Variants in LPAR3 observed in about 807,000 individuals in gnomAD.
The protein encoded by LPAR3 is LPA receptor 3.
Under a neutral mutation model 17.8 loss-of-function variants are expected in LPAR3, and 7 were observed. That is an observed-to-expected ratio of 0.39 (90% CI 0.22 to 0.74). LPAR3 has a LOEUF of 0.74. LPAR3 is among the 30% of genes least tolerant of loss of function. The pLI is 0.40. For synonymous variants in LPAR3, 179 were observed against 179.9 expected (o/e 0.99, Z 0.04); for missense variants, 391 against 453.4 (o/e 0.86, Z 1.25).
intron 2 of LPAR3, among the ~76,000 whole-genome samples, chr1:84,853,260 C>T (rs1243010624): frequency 6.6e-6 from 1 of 152,076 alleles, no homozygotes; most frequent in Non-Finnish European, 1.5e-5. Context: ...GCTCGTGGAT[C>T]CCCCAGCTCC....
At chr1:84,850,109 G>A (rs1039441716) in intron 2 of LPAR3, among the ~76,000 whole-genome samples, 11 of 152,154 alleles carry the variant, frequency 7.2e-5, no homozygotes, top group Admixed American at 3.9e-4. Context: ...GGAGACAGGC[G>A]GAAGAAGGGA....
chr1:84,884,045 C>T (rs113613262), intron 1 of LPAR3, among the ~76,000 whole-genome samples: 4,673 of 152,304 alleles, frequency 0.031, 105 homozygotes, highest in Non-Finnish European at 0.048. Context: ...AGGCATGTTC[C>T]AGCTCACAGC....
At chr1:84,855,741 G>C (rs184245334) in intron 2 of LPAR3, among the ~76,000 whole-genome samples, 6 of 152,290 alleles carry the variant, frequency 3.9e-5, no homozygotes, top group Admixed American at 3.3e-4. Context: ...CAAGAACACT[G>C]ATTTGGGAAA....
chr1:84,818,526 CA>C (rs527614540), intron 2 of LPAR3, among the ~76,000 whole-genome samples: 114 of 152,034 alleles, frequency 7.5e-4, no homozygotes, highest in Middle Eastern at 6.8e-3. Context: ...GCACGCATGC[CA>C]GGGGGGTGTA....
chr1:84,879,316 C>CTT (rs1187756554), intron 1 of LPAR3, among the ~76,000 whole-genome samples: 4 of 120,620 alleles, frequency 3.3e-5, no homozygotes, highest in African/African-American at 1.0e-4. Context: ...TTTCTTTTTT[C>CTT]TTTTTTTTTT....
At chr1:84,887,484 C>G (rs941491513) in intron 1 of LPAR3, among the ~76,000 whole-genome samples, 6 of 151,956 alleles carry the variant, frequency 3.9e-5, no homozygotes, top group Admixed American at 3.3e-4. Flanking sequence ...TAATGAGGAA[C>G]AGGCTATTTG....
chr1:84,865,269 G>A (rs1249892683), intron 2 of LPAR3, 116 bp downstream of exon 2: 9 of 1,177,316 alleles, frequency 7.6e-6, no homozygotes, highest in East Asian at 5.2e-5. Context: ...ATTTATGTCC[G>A]TTCTTGTTCA....
chr1:84,889,367 G>T (rs1557612137), intron 1 of LPAR3, among the ~76,000 whole-genome samples: 1 of 152,144 alleles, frequency 6.6e-6, no homozygotes. Flanking sequence ...AAGGCACAGG[G>T]GAGTGAGGAT....
At chr1:84,829,152 ATTTTTTTTTTTTT>A (rs56095946) in intron 2 of LPAR3, among the ~76,000 whole-genome samples, 3 of 55,526 alleles carry the variant, frequency 5.4e-5, no homozygotes, top group African/African-American at 9.8e-5. Flanking sequence ...CCTCTCTGCA[ATTTTTTTTTTTTT>A]TTTTTTTTTT....
At chr1:84,855,479 CCTT>C in intron 2 of LPAR3, among the ~76,000 whole-genome samples, 1 of 152,276 alleles carries the variant, frequency 6.6e-6, no homozygotes, top group South Asian at 2.1e-4. Flanking sequence ...TCTCCCTATA[CCTT>C]CTTTTCAAAG....
chr1:84,816,035 G>A (rs763045199), intron 2 of LPAR3, among the ~76,000 whole-genome samples: 89 of 152,072 alleles, frequency 5.9e-4, no homozygotes, highest in Admixed American at 1.6e-3. Context: ...CATTGCGCTG[G>A]GCTCAGCTTC....
chr1:84,856,543 G>A (rs1309580306), intron 2 of LPAR3, among the ~76,000 whole-genome samples: 3 of 151,576 alleles, frequency 2.0e-5, no homozygotes, highest in Non-Finnish European at 4.4e-5. Context: ...TTAGGCACAT[G>A]TACTTTTTTT....
intron 2 of LPAR3, among the ~76,000 whole-genome samples, chr1:84,840,689 T>C (rs1659489517): frequency 6.6e-6 from 1 of 152,228 alleles, no homozygotes; most frequent in Admixed American, 6.5e-5. Context: ...AATTTAGTCA[T>C]TGACATTGAA....
At chr1:84,865,329 C>A (rs1296442963) in intron 2 of LPAR3, 56 bp downstream of exon 2, 1 of 1,527,474 alleles carries the variant, frequency 6.5e-7, no homozygotes, top group East Asian at 2.3e-5. Flanking sequence ...ACAGATGCTC[C>A]GTAAAGATTT....
chr1:84,829,806 A>T (rs1402513071), intron 2 of LPAR3, among the ~76,000 whole-genome samples: 3 of 152,194 alleles, frequency 2.0e-5, no homozygotes, highest in Non-Finnish European at 2.9e-5. Flanking sequence ...GAGTAGAGTA[A>T]GGAGGAAAGC....
At chr1:84,859,336 T>C (rs1266429886) in intron 2 of LPAR3, among the ~76,000 whole-genome samples, 1 of 152,158 alleles carries the variant, frequency 6.6e-6, no homozygotes, top group Admixed American at 6.5e-5. Context: ...AGAGGATGAT[T>C]TAGCATCAAT....
rs370845486 is a variant in LPAR3, at chr1:84,841,585, A to AAAAT, written c.736+23796_736+23799dup. ...TATTCAATGTTATACCAGAAAAACT[A>AAAAT]AAATAAATAAATAAACAAAATAGAC... On this transcript the variant is annotated intron_variant, in intron 2 of 2. Coordinates refer to ENST00000370611, the MANE Select transcript of LPAR3 (RefSeq NM_012152.3). Among the ~76,000 whole-genome samples the AAAAT allele has an allele frequency of 2.7e-3, 414 of 152,344 alleles. 3 individuals are homozygous for AAAAT. The highest frequency in any genetic ancestry group is 0.01 in the Middle Eastern group (3 of 294).
intron 2 of LPAR3, among the ~76,000 whole-genome samples, chr1:84,855,649 C>A (rs1270964023): frequency 2.0e-5 from 3 of 152,140 alleles, no homozygotes; most frequent in Non-Finnish European, 4.4e-5. Flanking sequence ...AAGCTGAGTG[C>A]ATTTGGTGTA....
chr1:84,879,052 A>G (rs1319805260), intron 1 of LPAR3, among the ~76,000 whole-genome samples: 1 of 152,084 alleles, frequency 6.6e-6, no homozygotes, highest in African/African-American at 2.4e-5. Context: ...GCCTCTTCTC[A>G]CTTGAACTTT....
Sources: gnomAD v4.1 joint callset for allele counts (sites outside exome capture counted in the v4.1 genomes callset) on GRCh38, gnomAD v4.1.1 for gene constraint, MANE v1.5 for transcripts, NCBI Gene and HGNC (gene_info 2026-07-23, HGNC 2026-07-21) for gene names.